CYYR1: variants seen among roughly 807,000 people sequenced by gnomAD.
CYYR1 encodes the protein cysteine and tyrosine-rich protein 1.
CYYR1 carries 14 observed loss-of-function variants against 15.2 expected under a neutral mutation model. That is an observed-to-expected ratio of 0.92 (90% CI 0.61 to 1.44). CYYR1 has a LOEUF of 1.44. Among genes scored for constraint, CYYR1 ranks in the 40% most tolerant of loss-of-function variants. The pLI is 0.00. For missense variants in CYYR1, 228 were observed against 209.5 expected (o/e 1.09, Z -0.54); for synonymous variants, 80 against 77.4 (o/e 1.03, Z -0.18).
At chr21:26,564,569 T>A (rs777090642) in intron 2 of CYYR1, 4 of 651,796 alleles carry the variant, frequency 6.1e-6, no homozygotes, top group Non-Finnish European at 7.6e-6. Flanking sequence ...TGAACTTCAC[T>A]GCAAATGTAA....
chr21:26,541,893 C>T (rs907079614), intron 2 of CYYR1, among the ~76,000 whole-genome samples: 1 of 151,864 alleles, frequency 6.6e-6, no homozygotes, highest in Admixed American at 6.6e-5. Flanking sequence ...AAGAGGTAAG[C>T]TAAAAAGCCA....
intron 2 of CYYR1, among the ~76,000 whole-genome samples, chr21:26,557,581 C>T (rs1339659387): frequency 5.3e-5 from 8 of 152,098 alleles, no homozygotes; most frequent in Admixed American, 1.3e-4. Context: ...AAATAGCATC[C>T]GAATGTAAAG....
chr21:26,519,993 A>G lies in CYYR1; in HGVS notation c.177-39564T>C, dbSNP rs189844543. On this transcript the variant is annotated intron_variant, in intron 2 of 3. Transcript: ENST00000652641. ...ATGGAATCAACCCAAATGTCCATCA[A>G]TGACGGATTGGAAAAAGAAAATGTG... is the stretch of plus-strand genomic sequence containing the variant. Among the ~76,000 whole-genome samples the G allele has an allele frequency of 3.7e-3, 569 of 151,976 alleles. 5 individuals carry two copies. Among genetic ancestry groups the G allele is most frequent in the African/African-American group, 0.013 (541 of 41,412 alleles).
At chr21:26,557,697 A>G (rs1187985345) in intron 2 of CYYR1, among the ~76,000 whole-genome samples, 1 of 151,966 alleles carries the variant, frequency 6.6e-6, no homozygotes, top group Non-Finnish European at 1.5e-5. Context: ...ATTCCCACAC[A>G]CCTTTCAACC....
rs1491365888 is a variant in CYYR1 at position 26,520,111 on chromosome 21, G to GATATATATATAT, written c.177-39683_177-39682insATATATATATAT. Among the ~76,000 whole-genome samples, 637 of 82,932 alleles carry GATATATATATAT rather than the reference G, an allele frequency of 7.7e-3. 37 individuals are homozygous for GATATATATATAT. Among genetic ancestry groups the GATATATATATAT allele is most frequent in the Middle Eastern group, 0.012 (2 of 164 alleles). 54.4% of individuals were successfully genotyped at this position (82,932 alleles called of 152,430 possible). On this transcript the variant is annotated intron_variant, in intron 2 of 3. Coordinates refer to ENST00000652641, the MANE Select transcript of CYYR1 (RefSeq NM_001320768.2). The stretch of plus-strand genomic sequence containing the variant: ...TTTCTTCTTCTAAAAAAAAACCCAG[G>GATATATATATAT]AGATATATATATATATATATATATA...
chr21:26,468,279 C>CTTA lies in CYYR1; in HGVS notation c.*219_*221dup. On this transcript the variant is annotated 3_prime_UTR_variant, in exon 4 of 4. Transcript: ENST00000652641. ...TGTGCTTAGGTGGATCAGCAGATCT[C>CTTA]TTAAAATGTGGTTCCATAGAACCAA... The CTTA allele has an allele frequency of 1.8e-6, 1 of 560,926 alleles. No homozygotes were observed. Among genetic ancestry groups the CTTA allele is most frequent in the Non-Finnish European group, 3.2e-6 (1 of 310,562 alleles). The allele number at this position is 560,926 out of a possible 1,614,324, so 34.7% of individuals were successfully genotyped here.
intron 2 of CYYR1, among the ~76,000 whole-genome samples, chr21:26,502,575 A>G (rs895512070): frequency 6.6e-6 from 1 of 152,180 alleles, no homozygotes; most frequent in African/African-American, 2.4e-5. Flanking sequence ...TAAATAAAAA[A>G]TTATTTTGGC....
intron 1 of CYYR1, among the ~76,000 whole-genome samples, chr21:26,567,125 G>T (rs1234588101): frequency 6.6e-6 from 1 of 151,994 alleles, no homozygotes; most frequent in East Asian, 1.9e-4. Context: ...ATTTCAAAAT[G>T]ATGTATATTT....
intron 2 of CYYR1, among the ~76,000 whole-genome samples, chr21:26,533,099 A>G (rs1908221041): frequency 6.6e-6 from 1 of 151,514 alleles, no homozygotes; most frequent in Non-Finnish European, 1.5e-5. Context: ...GAATCTCATG[A>G]GCCAATTCCC....
chr21:26,484,824 C>G (rs1357920198), intron 2 of CYYR1, among the ~76,000 whole-genome samples: 1 of 151,978 alleles, frequency 6.6e-6, no homozygotes, highest in East Asian at 1.9e-4. Context: ...GTTGGCAGCT[C>G]CAGCAAAAGT....
intron 2 of CYYR1, among the ~76,000 whole-genome samples, chr21:26,531,141 C>T (rs1241781698): frequency 6.6e-6 from 1 of 152,112 alleles, no homozygotes; most frequent in Non-Finnish European, 1.5e-5. Flanking sequence ...TTTAACCAGT[C>T]CATTATTACG....
intron 3 of CYYR1, among the ~76,000 whole-genome samples, chr21:26,478,464 G>GAA (rs1047057894): frequency 4.0e-5 from 6 of 151,890 alleles, no homozygotes; most frequent in African/African-American, 1.5e-4. Context: ...GGAGAGAGTA[G>GAA]AAAAAAAGGA....
chr21:26,488,219 A>C (rs1202656381), intron 2 of CYYR1, among the ~76,000 whole-genome samples: 4 of 150,888 alleles, frequency 2.7e-5, no homozygotes, highest in Non-Finnish European at 5.9e-5. Flanking sequence ...GTTGACTAAA[A>C]TAAAGACTAC....
At chr21:26,478,939 G>A (rs1052670199) in intron 3 of CYYR1, among the ~76,000 whole-genome samples, 2 of 152,040 alleles carry the variant, frequency 1.3e-5, no homozygotes, top group African/African-American at 4.8e-5. Context: ...AGTGGACAGG[G>A]GTTTTGGGGG....
intron 2 of CYYR1, among the ~76,000 whole-genome samples, chr21:26,562,349 G>C (rs1980259426): frequency 6.6e-6 from 1 of 152,128 alleles, no homozygotes; most frequent in South Asian, 2.1e-4. Context: ...TCTTATCTTT[G>C]TCTATTGTCT....
chr21:26,532,831 T>G (rs1018572503), intron 2 of CYYR1, among the ~76,000 whole-genome samples: 5 of 152,186 alleles, frequency 3.3e-5, no homozygotes, highest in Admixed American at 2.0e-4. Flanking sequence ...GTGGCTAAGA[T>G]AGTGACACCT....
At chr21:26,555,440 T>G (rs1457539963) in intron 2 of CYYR1, among the ~76,000 whole-genome samples, 2 of 152,170 alleles carry the variant, frequency 1.3e-5, no homozygotes, top group African/African-American at 4.8e-5. Flanking sequence ...CATAGAGAGA[T>G]ATAGTTTTGC....
intron 3 of CYYR1, among the ~76,000 whole-genome samples, chr21:26,473,980 C>G (rs1463311085): frequency 6.6e-6 from 1 of 151,804 alleles, no homozygotes; most frequent in Non-Finnish European, 1.5e-5. Context: ...TCTATTCTTA[C>G]TCTTTAAAAC....
chr21:26,516,197 T>TTC (rs2065725135), intron 2 of CYYR1, among the ~76,000 whole-genome samples: 1 of 152,182 alleles, frequency 6.6e-6, no homozygotes, highest in Non-Finnish European at 1.5e-5. Flanking sequence ...TTCCAAGAAG[T>TTC]TCTATTTAAA....
Sources: gnomAD v4.1 joint callset for allele counts (sites outside exome capture counted in the v4.1 genomes callset) on GRCh38, gnomAD v4.1.1 for gene constraint, MANE v1.5 for transcripts, NCBI Gene and HGNC (gene_info 2026-07-23, HGNC 2026-07-21) for gene names.